Variants in ATP10B observed in about 807,000 individuals in gnomAD.
ATP10B encodes the protein phospholipid-transporting ATPase VB.
In ATP10B, 122 loss-of-function variants were observed where a neutral mutation model predicts 141.2. The ratio of observed to expected loss-of-function variants is 0.86; its 90% confidence interval spans 0.75 to 1.00. ATP10B has a LOEUF of 1.00. Among genes scored for constraint, ATP10B ranks in the 50% least tolerant of loss-of-function variants. The probability of loss-of-function intolerance (pLI) is 0.00; values close to 1 mark genes in which losing one functional copy is unlikely to be tolerated. For missense variants in ATP10B, 1,876 were observed against 1,825.3 expected (o/e 1.03, Z -0.51); for synonymous variants, 685 against 692.0 (o/e 0.99, Z 0.16).
At chr5:160,769,184 C>G (rs915199622) in intron 2 of ATP10B, among the ~76,000 whole-genome samples, 13 of 152,110 alleles carry the variant, frequency 8.5e-5, no homozygotes, top group African/African-American at 2.9e-4. Context: ...TTGGCAAATT[C>G]CATTGTCTTT....
intron 1 of ATP10B, among the ~76,000 whole-genome samples, chr5:160,812,055 A>AGAGAGAGAGAGG (rs1554119662): frequency 8.1e-6 from 1 of 124,116 alleles, no homozygotes; most frequent in South Asian, 2.5e-4. Flanking sequence ...AGAGAGAGAG[A>AGAGAGAGAGAGG]GAGAGGGAGA....
intron 24 of ATP10B, among the ~76,000 whole-genome samples, chr5:160,575,488 A>T (rs1355190634): frequency 6.6e-6 from 1 of 152,188 alleles, no homozygotes; most frequent in Non-Finnish European, 1.5e-5. Flanking sequence ...CCTTATGAGC[A>T]TATTCAGATT....
At chr5:160,913,743 G>A in the ATP10B span, among the ~76,000 whole-genome samples, 2 of 152,158 alleles carry the variant, frequency 1.3e-5, no homozygotes, top group Admixed American at 6.5e-5. Flanking sequence ...TGAAAACCTC[G>A]CACTGATAAC....
the ATP10B span, among the ~76,000 whole-genome samples, chr5:160,873,777 G>A: frequency 4.6e-5 from 7 of 152,228 alleles, no homozygotes; most frequent in Non-Finnish European, 1.0e-4. Context: ...GGTGACAGAC[G>A]GCACCAGGAA....
At chr5:160,656,897 T>C (rs1471454236) in intron 7 of ATP10B, among the ~76,000 whole-genome samples, 1 of 152,086 alleles carries the variant, frequency 6.6e-6, no homozygotes, top group Non-Finnish European at 1.5e-5. Context: ...TTACCAAGAG[T>C]CAAGAATGTT....
chr5:160,830,983 A>ACACACG (rs1443824679), intron 1 of ATP10B, among the ~76,000 whole-genome samples: 6 of 72,700 alleles, frequency 8.3e-5, no homozygotes, highest in African/African-American at 2.2e-4. Flanking sequence ...ACACACACAC[A>ACACACG]CACACACACA....
chr5:160,565,744 A>G lies in ATP10B; in HGVS notation c.4095T>C (p.Thr1365=), dbSNP rs4921150. 193,313 of 1,613,498 alleles carry G rather than the reference A, an allele frequency of 0.12. 13,468 individuals carry two copies. Among genetic ancestry groups the G allele is most frequent in the African/African-American group, 0.26 (19,497 of 74,870 alleles). Residue 1365 remains threonine, a synonymous_variant, in exon 26 of 26, where the codon ACT becomes ACC. Coordinates refer to ENST00000327245, the MANE Select transcript of ATP10B (RefSeq NM_025153.3). The stretch of plus-strand genomic sequence containing the variant: ...CTGTGATAGATGACACTGGGTGGTG[A>G]GTTGGTCGAGCCACTTCGGGGACAG... The part of the protein sequence containing the change: ...PAPVPEVARP[T]HHPVSSITGQ...
At chr5:160,844,515 AAGT>A (rs1399746093) in intron 1 of ATP10B, among the ~76,000 whole-genome samples, 1 of 152,142 alleles carries the variant, frequency 6.6e-6, no homozygotes, top group Non-Finnish European at 1.5e-5. Context: ...TCTGATTATG[AAGT>A]AGTAAGGTCC....
intron 1 of ATP10B, among the ~76,000 whole-genome samples, chr5:160,800,788 G>T (rs1454777731): frequency 1.3e-5 from 2 of 152,206 alleles, no homozygotes; most frequent in Non-Finnish European, 2.9e-5. Context: ...TTTTCTAGCT[G>T]TGATTTGGGA....
chr5:160,615,330 ACCCT>A (rs145430228), intron 17 of ATP10B, among the ~76,000 whole-genome samples: 75 of 149,602 alleles, frequency 5.0e-4, no homozygotes, highest in African/African-American at 1.8e-3. Context: ...GCCTTCCTAG[ACCCT>A]CCCTCACCCC....
chr5:160,652,919 A>G (rs1760943017), intron 7 of ATP10B, among the ~76,000 whole-genome samples: 1 of 81,518 alleles, frequency 1.2e-5, no homozygotes, highest in Non-Finnish European at 2.1e-5. Flanking sequence ...ACATGTATAT[A>G]TAATATATTA....
chr5:160,633,949 T>C (rs1759134081), intron 12 of ATP10B: 7 of 349,162 alleles, frequency 2.0e-5, no homozygotes, highest in South Asian at 1.4e-4. Context: ...AATCTGACCA[T>C]GCACCTAGAC....
chr5:160,909,132 G>A, the ATP10B span, among the ~76,000 whole-genome samples: 1 of 152,190 alleles, frequency 6.6e-6, no homozygotes, highest in Non-Finnish European at 1.5e-5. Context: ...AATGCAGTGT[G>A]ATGAAGGCTC....
chr5:160,736,968 G>A (rs1320433209), intron 2 of ATP10B, among the ~76,000 whole-genome samples: 5 of 152,064 alleles, frequency 3.3e-5, no homozygotes, highest in South Asian at 2.1e-4. Flanking sequence ...AAGAAACTAC[G>A]GGCCAATATC....
intron 6 of ATP10B, among the ~76,000 whole-genome samples, chr5:160,675,958 A>G (rs574431284): frequency 6.2e-4 from 94 of 152,202 alleles, no homozygotes; most frequent in African/African-American, 2.2e-3. Context: ...GGATGCCTAG[A>G]TATATCTGTG....
At chr5:160,908,395 G>A in the ATP10B span, among the ~76,000 whole-genome samples, 5 of 152,058 alleles carry the variant, frequency 3.3e-5, no homozygotes, top group African/African-American at 4.8e-5. Context: ...TTGAATGTCC[G>A]CTGGCCCATA....
At chr5:160,599,921 A>C (rs1756992142) in intron 21 of ATP10B, among the ~76,000 whole-genome samples, 5 of 152,226 alleles carry the variant, frequency 3.3e-5, no homozygotes, top group Admixed American at 3.3e-4. Flanking sequence ...GCAAGAAATC[A>C]TTCAGCAGGT....
Position 160,707,043 on chromosome 5 carries a change from C to A in ATP10B, c.-205+9866G>T, listed in dbSNP as rs1008146013. ...TCAGCTCACTGCAATCTCCGCCCCC[C>A]AGGTTCAAGCAATTCTCCCACCTCA... On this transcript the variant is annotated intron_variant, in intron 3 of 25. Coordinates refer to ENST00000327245, the MANE Select transcript of ATP10B (RefSeq NM_025153.3). 2.0e-5 allele frequency among the ~76,000 whole-genome samples: 3 copies of A among 152,106 alleles called. No homozygotes were observed. The South Asian group carries it at 6.2e-4, about 32-fold the overall frequency.
At chr5:160,709,480 AAAACAG>A (rs1765221791) in intron 3 of ATP10B, among the ~76,000 whole-genome samples, 1 of 152,244 alleles carries the variant, frequency 6.6e-6, no homozygotes, top group Non-Finnish European at 1.5e-5. Flanking sequence ...CATGTAAATT[AAAACAG>A]CAATGAAATT....
Sources: allele counts gnomAD v4.1 joint callset (sites outside exome capture counted in the v4.1 genomes callset), GRCh38; gene constraint gnomAD v4.1.1; transcripts MANE v1.5; gene names NCBI Gene and HGNC (gene_info 2026-07-23, HGNC 2026-07-21).